ERGIC2: variants seen among roughly 807,000 people sequenced by gnomAD.
ERGIC2 encodes the protein ERGIC and golgi 2.
In ERGIC2, 31 loss-of-function variants were observed where a neutral mutation model predicts 52.5. The observed-to-expected ratio is 0.59, with a 90% CI of 0.44 to 0.80. The LOEUF (loss-of-function observed/expected upper bound fraction) is 0.80, where lower values mean the gene tolerates loss of function less well. ERGIC2 is among the 30% of genes least tolerant of loss of function. The pLI is 0.00. For synonymous variants in ERGIC2, 129 were observed against 140.6 expected (o/e 0.92, Z 0.58); for missense variants, 395 against 455.2 (o/e 0.87, Z 1.20).
intron 1 of ERGIC2, among the ~76,000 whole-genome samples, chr12:29,380,076 C>G (rs1173092348): frequency 6.6e-6 from 1 of 151,600 alleles, no homozygotes; most frequent in African/African-American, 2.4e-5. Context: ...AAAAAAAATC[C>G]TCCTCTCTCT....
chr12:29,345,067 ATAAG>A (rs1174974172), intron 11 of ERGIC2, among the ~76,000 whole-genome samples: 1 of 152,228 alleles, frequency 6.6e-6, no homozygotes, highest in Non-Finnish European at 1.5e-5. Flanking sequence ...TTATTAATAA[ATAAG>A]TAACAGAATT....
intron 7 of ERGIC2, among the ~76,000 whole-genome samples, chr12:29,357,076 C>T (rs1365075724): frequency 6.6e-6 from 1 of 151,688 alleles, no homozygotes; most frequent in African/African-American, 2.4e-5. Flanking sequence ...AAGCTATTCT[C>T]CTGCCTCAGC....
In ERGIC2 at chr12:29,341,167, T is replaced by G; in HGVS notation, c.1123A>C (p.Asn375His). 1.9e-6 allele frequency: 3 copies of G among 1,609,206 alleles called. No homozygotes were observed. The highest frequency in any genetic ancestry group is 2.5e-6 in the Non-Finnish European group (3 of 1,177,084). The change falls in exon 14 of 14, where the codon AAT becomes CAT. Residue 375 changes from asparagine (N) to histidine (H), a missense_variant. Transcript: ENST00000360150. ...TCAATCGGGAGGTGTTAATGTGTAT[T>G]ATTTTCTAAAAGAGGTAAGTGGTTG... ...TDNHLPLLEN[N>H]TH
chr12:29,362,534 T>C (rs149456443), intron 5 of ERGIC2, among the ~76,000 whole-genome samples: 71 of 152,180 alleles, frequency 4.7e-4, no homozygotes, highest in African/African-American at 1.6e-3. Flanking sequence ...GAGGTGGAAG[T>C]TGCAGTGAGC....
Position 29,340,681 on chromosome 12 carries a change from G to A in ERGIC2, c.*475C>T. ...TTTTTTTTTATTAACAATGTGACCT[G>A]ATCACAATTCTTTAAAGTCTAGACT... is the stretch of plus-strand genomic sequence containing the variant. On this transcript the variant is annotated 3_prime_UTR_variant, in exon 14 of 14. Transcript: ENST00000360150. 1 of 311,744 alleles carries A rather than the reference G, an allele frequency of 3.2e-6. No homozygotes were observed. Among genetic ancestry groups the A allele is most frequent in the Non-Finnish European group, 6.0e-6 (1 of 165,562 alleles). 19.3% of individuals were successfully genotyped at this position (311,744 alleles called of 1,614,324 possible).
At chr12:29,377,231 G>C (rs1940527119) in intron 1 of ERGIC2, among the ~76,000 whole-genome samples, 1 of 152,062 alleles carries the variant, frequency 6.6e-6, no homozygotes, top group Non-Finnish European at 1.5e-5. Context: ...TCCTTAAACT[G>C]TCTTGAATAT....
intron 9 of ERGIC2, 127 bp from the exon 10 acceptor site, chr12:29,349,304 A>G (rs1940100946): frequency 6.9e-6 from 3 of 436,322 alleles, no homozygotes; most frequent in Non-Finnish European, 8.3e-6. Context: ...GGATAATAAT[A>G]CAGTATTTTA....
chr12:29,344,657 T>G (rs1940019989), intron 11 of ERGIC2, among the ~76,000 whole-genome samples: 1 of 150,856 alleles, frequency 6.6e-6, no homozygotes, highest in South Asian at 2.1e-4. Flanking sequence ...CAATACCTAA[T>G]CTCATAAGAA....
At chr12:29,366,765 TA>T in intron 5 of ERGIC2, 111 bp downstream of exon 5, 1 of 549,626 alleles carries the variant, frequency 1.8e-6, no homozygotes, top group Non-Finnish European at 3.1e-6. Context: ...ACTTTTGAAA[TA>T]AAAGAATTAT....
chr12:29,353,241 C>T (rs973509289), intron 8 of ERGIC2, among the ~76,000 whole-genome samples: 3 of 152,122 alleles, frequency 2.0e-5, no homozygotes, highest in South Asian at 2.1e-4. Flanking sequence ...AGTTTGGTCT[C>T]GTAAATTCTT....
chr12:29,378,620 C>T (rs1940546429), intron 1 of ERGIC2, among the ~76,000 whole-genome samples: 1 of 150,506 alleles, frequency 6.6e-6, no homozygotes, highest in African/African-American at 2.4e-5. Context: ...CTCAATTGTA[C>T]TTATTTTTAC....
At chr12:29,372,071 C>T (rs551147890) in intron 1 of ERGIC2, among the ~76,000 whole-genome samples, 2 of 152,068 alleles carry the variant, frequency 1.3e-5, no homozygotes, top group African/African-American at 4.8e-5. Context: ...CAGGCACGGT[C>T]GCTCACGCCT....
At chr12:29,349,040 T>C (rs757729423) in intron 10 of ERGIC2, 39 bp downstream of exon 10, 3 of 1,110,832 alleles carry the variant, frequency 2.7e-6, no homozygotes, top group Non-Finnish European at 3.9e-6. Context: ...AGCAAAATTT[T>C]CTACATGTAA....
chr12:29,363,249 C>A (rs1940310888), intron 5 of ERGIC2, among the ~76,000 whole-genome samples: 1 of 151,938 alleles, frequency 6.6e-6, no homozygotes, highest in Admixed American at 6.6e-5. Context: ...TAACTAAATG[C>A]AATAGAAATA....
chr12:29,349,201 A>G, intron 9 of ERGIC2, 24 bp from the exon 10 acceptor site: 1 of 1,152,970 alleles, frequency 8.7e-7, no homozygotes, highest in East Asian at 2.5e-5. Context: ...AATAAAAACA[A>G]CTTAGCAGAG....
At chr12:29,361,241 ACT>A (rs1486854265) in intron 6 of ERGIC2, among the ~76,000 whole-genome samples, 5 of 151,482 alleles carry the variant, frequency 3.3e-5, no homozygotes, top group Non-Finnish European at 4.4e-5. Flanking sequence ...ACAGAGTGAG[ACT>A]CTGTCTCAAA....
intron 7 of ERGIC2, 88 bp from the exon 8 acceptor site, chr12:29,356,565 T>A: frequency 1.5e-6 from 1 of 649,284 alleles, no homozygotes; most frequent in Non-Finnish European, 2.6e-6. Flanking sequence ...AAAAAATCCC[T>A]AAAGATCATT....
At chr12:29,344,738 T>G (rs1181063757) in intron 11 of ERGIC2, among the ~76,000 whole-genome samples, 1 of 151,970 alleles carries the variant, frequency 6.6e-6, no homozygotes, top group East Asian at 1.9e-4. Flanking sequence ...AAGAAAACAC[T>G]ATATAAAGGA....
chr12:29,368,007 C>T (rs1940388806), intron 4 of ERGIC2, among the ~76,000 whole-genome samples: 1 of 151,802 alleles, frequency 6.6e-6, no homozygotes, highest in African/African-American at 2.4e-5. Flanking sequence ...ACATTTCCTC[C>T]AACTTTCTTT....
Sources: gnomAD v4.1 joint callset for allele counts (sites outside exome capture counted in the v4.1 genomes callset) on GRCh38, gnomAD v4.1.1 for gene constraint, MANE v1.5 for transcripts, NCBI Gene and HGNC (gene_info 2026-07-23, HGNC 2026-07-21) for gene names.